CTLA4: variants seen among roughly 807,000 people sequenced by gnomAD.
The protein encoded by CTLA4 is cytotoxic T-lymphocyte protein 4.
In CTLA4, 3 loss-of-function variants were observed where a neutral mutation model predicts 20.4. The ratio of observed to expected loss-of-function variants is 0.15; its 90% CI spans 0.07 to 0.38. The LOEUF (loss-of-function observed/expected upper bound fraction) is 0.38. Ranked by LOEUF, CTLA4 falls within the 10% of genes least tolerant of loss-of-function variation. CTLA4 has a pLI of 1.00. For missense variants in CTLA4, 184 were observed against 276.8 expected, an observed-to-expected ratio of 0.66 and a Z score of 2.38; for synonymous variants, 100 against 105.2, an observed-to-expected ratio of 0.95 and a Z score of 0.30.
intron 1 of CTLA4, among the ~76,000 whole-genome samples, chr2:203,869,912 A>G (rs1688697599): frequency 6.6e-6 from 1 of 152,178 alleles, no homozygotes; most frequent in Non-Finnish European, 1.5e-5. Context: ...GGGTTGCCTC[A>G]ACCTAGAGAG....
At chr2:203,868,827 A>G (rs1163356690) in intron 1 of CTLA4, among the ~76,000 whole-genome samples, 1 of 152,192 alleles carries the variant, frequency 6.6e-6, no homozygotes, top group African/African-American at 2.4e-5. Context: ...GAGTATATCC[A>G]TTGAATCTCA....
At chr2:203,871,531 T>A in intron 3 of CTLA4, 44 bp downstream of exon 3, 3 of 1,421,990 alleles carry the variant, frequency 2.1e-6, no homozygotes, top group Non-Finnish European at 3.0e-6. Flanking sequence ...TGGGGATACC[T>A]TTAGTGGTAT....
rs1327060988 is a variant in CTLA4 at position 203,870,190 on chromosome 2, A to G, written c.110-396A>G. The G allele has an allele frequency of 6.4e-5, 15 of 235,466 alleles. No homozygotes were observed. The highest frequency in any genetic ancestry group is 3.1e-4 in the African/African-American group (14 of 44,472). 14.6% of individuals were successfully genotyped at this position (235,466 alleles called of 1,614,324 possible). On this transcript the variant is annotated intron_variant, in intron 1 of 3. Coordinates refer to ENST00000648405, the MANE Select transcript of CTLA4 (RefSeq NM_005214.5). The surrounding 1 kb of genome is among the most constrained non-coding windows in gnomAD (Gnocchi z 5.3). ...GCTATATAGCTCCTATCATTCTATC[A>G]TAACCTTAGAATACCAGAGAACATA...
chr2:203,869,123 G>T (rs1688682336), intron 1 of CTLA4, among the ~76,000 whole-genome samples: 1 of 152,156 alleles, frequency 6.6e-6, no homozygotes, highest in Non-Finnish European at 1.5e-5. Context: ...TGGGGAGAGG[G>T]CAGGACATTT....
At position 203,867,880 on chromosome 2, in the gene CTLA4, C is replaced by G; in HGVS notation, c.-63C>G. The G allele has an allele frequency of 8.1e-7, 1 of 1,232,628 alleles. No individual in the cohort carries two copies. 76.4% of individuals were successfully genotyped at this position (1,232,628 alleles called of 1,614,324 possible). A position where few individuals can be genotyped will look rare whatever the true frequency, so the allele number is the denominator to read the frequency against. The stretch of plus-strand genomic sequence containing the variant: ...GTGTGGGTTCAAACACATTTCAAAG[C>G]TTCAGGATCCTGAAAGGTTTTGCTC... On this transcript the variant is annotated 5_prime_UTR_variant, in exon 1 of 4. Transcript: ENST00000648405.
chr2:203,869,830 T>C (rs1688696448), intron 1 of CTLA4, among the ~76,000 whole-genome samples: 1 of 152,078 alleles, frequency 6.6e-6, no homozygotes. Context: ...CATGGGAGTG[T>C]TCAAGGGAAG....
In CTLA4 at chr2:203,871,772, CTT is replaced by C. The variant is rs138160778; in HGVS notation, c.567+287_567+288del. On this transcript the variant is annotated intron_variant, in intron 3 of 3. Transcript: ENST00000648405. ...AATAACATGGGGCAGCTGTTTTGCT[CTT>C]TGTCTTCATGACAACTGTACTTAAG... Among the ~76,000 whole-genome samples the C allele has an allele frequency of 4.3e-3, 652 of 152,300 alleles. 4 individuals carry two copies. The highest frequency in any genetic ancestry group is 0.014 in the African/African-American group (568 of 41,552).
chr2:203,873,262 G>C lies in CTLA4; in HGVS notation c.*450G>C, dbSNP rs1191811395. On this transcript the variant is annotated 3_prime_UTR_variant, in exon 4 of 4. Transcript: ENST00000648405. ...TTAAACAAATGTATGATTACATCAA[G>C]GCTTCAAAAATACTCACATGGCTAT... 5.3e-6 allele frequency: 2 copies of C among 380,318 alleles called. No individual in the cohort carries two copies. The highest frequency in any genetic ancestry group is 9.2e-5 in the Admixed American group (2 of 21,730). The allele number at this position is 380,318 out of a possible 1,614,324, so 23.6% of individuals were successfully genotyped here.
intron 1 of CTLA4, among the ~76,000 whole-genome samples, chr2:203,868,254 C>T (rs778355756): frequency 1.3e-5 from 2 of 152,148 alleles, no homozygotes; most frequent in Non-Finnish European, 2.9e-5. Context: ...TAGCTCAGAA[C>T]AGAGCGCCAG....
At chr2:203,869,659 GC>G (rs1688692834) in intron 1 of CTLA4, among the ~76,000 whole-genome samples, 1 of 152,218 alleles carries the variant, frequency 6.6e-6, no homozygotes, top group African/African-American at 2.4e-5. Context: ...GTGACATCAT[GC>G]AACACAAGTT....
chr2:203,871,363 T>C lies in CTLA4; in HGVS notation c.458-15T>C, dbSNP rs1472942786. On this transcript the variant is annotated splice_polypyrimidine_tract_variant and intron_variant, in intron 2 of 3. Transcript: ENST00000648405. Reference sequence around the variant, plus strand: ...AAACTGTCTCAGGGAGGCTCTGCTTTGTTTTCTGTTGCAGATCCAGAACCG... The same window carrying C: ...AAACTGTCTCAGGGAGGCTCTGCTTCGTTTTCTGTTGCAGATCCAGAACCG... The C allele has an allele frequency of 1.9e-6, 3 of 1,606,362 alleles. No individual in the cohort carries two copies. The East Asian group carries it at 6.7e-5, about 36-fold the overall frequency.
intron 3 of CTLA4, among the ~76,000 whole-genome samples, chr2:203,871,753 A>G (rs983528747): frequency 2.0e-5 from 3 of 152,200 alleles, no homozygotes; most frequent in Non-Finnish European, 4.4e-5. Flanking sequence ...TTGCAATAAC[A>G]TGGGGCAGCT....
At position 203,867,929 on chromosome 2, in the gene CTLA4, G is replaced by A. The variant is rs751528406; in HGVS notation, c.-14G>A. On this transcript the variant is annotated 5_prime_UTR_variant, in exon 1 of 4. Transcript: ENST00000648405. ...TCTACTTCCTGAAGACCTGAACACCGCTCCCATAAAGCCATGGCTTGCCTT... is the reference window on the plus strand; with the variant it reads ...TCTACTTCCTGAAGACCTGAACACCACTCCCATAAAGCCATGGCTTGCCTT... 23 of 1,606,092 alleles carry A rather than the reference G, an allele frequency of 1.4e-5. No individual in the cohort carries two copies. The East Asian group carries it at 2.9e-4, about 20-fold the overall frequency.
In CTLA4 at chr2:203,867,849, G is replaced by C. The variant is rs1048974938; in HGVS notation, c.-94G>C. The C allele has an allele frequency of 7.2e-6, 6 of 829,330 alleles. No homozygotes were observed. The African/African-American group carries it at 1.0e-4, about 14-fold the overall frequency. 51.4% of individuals were successfully genotyped at this position (829,330 alleles called of 1,614,324 possible). On this transcript the variant is annotated 5_prime_UTR_variant, in exon 1 of 4. Transcript: ENST00000648405. ...TCAAAGCTATCTATATAAAGTCCTT[G>C]ATTCTGTGTGGGTTCAAACACATTT... is the stretch of plus-strand genomic sequence containing the variant.
chr2:203,870,912 G>A lies in CTLA4; in HGVS notation c.436G>A (p.Gly146Arg), dbSNP rs1688718864. 2 of 1,613,446 alleles carry A rather than the reference G, an allele frequency of 1.2e-6. No individual in the cohort carries two copies. The highest frequency in any genetic ancestry group is 1.7e-6 in the Non-Finnish European group (2 of 1,179,440). ...PPPYYLGIGN[G>R]TQIYVIDPEP... ...GCCATACTACCTGGGCATAGGCAAC[G>A]GAACCCAGATTTATGTAATTGGTGA... is the stretch of plus-strand genomic sequence containing the variant. Residue 146 changes from glycine (G) to arginine (R), a missense_variant, in exon 2 of 4, where the codon GGA becomes AGA. Gly to Arg is a moderately radical substitution (Grantham distance 125, BLOSUM62 -2). Around this residue, in one of 3 missense-constraint regions of CTLA4, gnomAD observed 147 missense variants for 223.4 expected, o/e 0.66. Transcript: ENST00000648405. The surrounding 1 kb of genome is among the most constrained non-coding windows in gnomAD (Gnocchi z 5.3).
In CTLA4 at chr2:203,873,013, T is replaced by G. The variant is rs1688761611; in HGVS notation, c.*201T>G. On this transcript the variant is annotated 3_prime_UTR_variant, in exon 4 of 4. Transcript: ENST00000648405. ...AGTAGAAAGACAGAGCTGGGATGTTTCTGTCACATCAGCTCCACTTTCAGT... is the reference window on the plus strand; with the variant it reads ...AGTAGAAAGACAGAGCTGGGATGTTGCTGTCACATCAGCTCCACTTTCAGT... 3.4e-6 allele frequency: 2 copies of G among 588,728 alleles called. No homozygotes were observed. The highest frequency in any genetic ancestry group is 4.4e-5 in the South Asian group (2 of 45,622). The allele number at this position is 588,728 out of a possible 1,614,324, so 36.5% of individuals were successfully genotyped here.
At position 203,873,914 on chromosome 2, in the gene CTLA4, A is replaced by G. The variant is rs1688782072; in HGVS notation, c.*1102A>G. 1 of 228,306 alleles carries G rather than the reference A, an allele frequency of 4.4e-6. No homozygotes were observed. The highest frequency in any genetic ancestry group is 8.7e-6 in the Non-Finnish European group (1 of 114,736). 14.1% of individuals were successfully genotyped at this position (228,306 alleles called of 1,614,324 possible). ...CAATATTTTCCATGAAAATGCAACA[A>G]CATGTATAATATTTTTAATTAAATA... On this transcript the variant is annotated 3_prime_UTR_variant, in exon 4 of 4. Coordinates refer to ENST00000648405, the MANE Select transcript of CTLA4 (RefSeq NM_005214.5).
rs532544606 is a variant in CTLA4 at position 203,871,288 on chromosome 2, C to T, written c.458-90C>T. On this transcript the variant is annotated intron_variant, in intron 2 of 3. Transcript: ENST00000648405. ...AGGGGTGGACCTCAAGGCCTGGAAGCTCTAATGTCCTTTTTTCACCAATGT... is the reference window on the plus strand; with the variant it reads ...AGGGGTGGACCTCAAGGCCTGGAAGTTCTAATGTCCTTTTTTCACCAATGT... 57 of 1,151,654 alleles carry T rather than the reference C, an allele frequency of 4.9e-5. 1 individual carries two copies. In the Middle Eastern group the frequency reaches 1.6e-3, roughly 33 times the overall value. The allele number at this position is 1,151,654 out of a possible 1,614,324, so 71.3% of individuals were successfully genotyped here.
Position 203,872,949 on chromosome 2 carries a change from C to T in CTLA4, c.*137C>T, listed in dbSNP as rs1019416099. On this transcript the variant is annotated 3_prime_UTR_variant, in exon 4 of 4. Coordinates refer to ENST00000648405, the MANE Select transcript of CTLA4 (RefSeq NM_005214.5). The stretch of plus-strand genomic sequence containing the variant: ...TCTCTCTTTAATATAAAGTTGGATG[C>T]GGAACCCAAATTACGTGTACTACAA... 2.2e-5 allele frequency: 14 copies of T among 633,840 alleles called. No homozygotes were observed. Among genetic ancestry groups the T allele is most frequent in the African/African-American group, 3.7e-5 (2 of 54,620 alleles). 39.3% of individuals were successfully genotyped at this position (633,840 alleles called of 1,614,324 possible). A position where few individuals can be genotyped will look rare whatever the true frequency, so the allele number is the denominator to read the frequency against.
Sources: allele counts gnomAD v4.1 joint callset (sites outside exome capture counted in the v4.1 genomes callset), GRCh38; gene constraint gnomAD v4.1.1; regional missense constraint gnomAD v4.1.1; non-coding constraint Gnocchi (gnomAD v3.1); transcripts MANE v1.5; gene names NCBI Gene and HGNC (gene_info 2026-07-23, HGNC 2026-07-21).